CSMD1: variants seen among roughly 807,000 people sequenced by gnomAD.
CSMD1 encodes the protein CUB and Sushi multiple domains 1.
Under a neutral mutation model 417.5 loss-of-function variants are expected in CSMD1, and 213 were observed. The ratio of observed to expected loss-of-function variants is 0.51; its 90% CI spans 0.46 to 0.57. CSMD1 has a LOEUF of 0.57. Ranked by LOEUF, CSMD1 falls within the 20% of genes least tolerant of loss-of-function variation. The pLI is 0.00. For synonymous variants in CSMD1, 2,862 were observed against 1,736.8 expected, an observed-to-expected ratio of 1.65 and a Z score of -16.11; for missense variants, 6,923 against 4,529.7, an observed-to-expected ratio of 1.53 and a Z score of -15.17.
rs149267489 is a variant in CSMD1 at position 2,967,555 on chromosome 8, G to A, written c.8924-809C>T. On this transcript the variant is annotated intron_variant, in intron 57 of 69. Coordinates refer to ENST00000635120, the MANE Select transcript of CSMD1 (RefSeq NM_033225.6). The stretch of plus-strand genomic sequence containing the variant: ...ACTTTTTTTTTTCCCTTTTTTAGTC[G>A]AGCCTATTTACCAGAAAGATTGCTA... Among the ~76,000 whole-genome samples the A allele has an allele frequency of 4.6e-3, 690 of 151,268 alleles. 3 individuals carry two copies. The highest frequency in any genetic ancestry group is 0.016 in the African/African-American group (646 of 41,162).
At chr8:3,568,181 C>T (rs1032578363) in intron 10 of CSMD1, among the ~76,000 whole-genome samples, 1 of 152,092 alleles carries the variant, frequency 6.6e-6, no homozygotes, top group South Asian at 2.1e-4. Context: ...TTATAAAGTA[C>T]TGATGTTCAC....
chr8:4,241,800 T>C (rs1802422286), intron 3 of CSMD1, among the ~76,000 whole-genome samples: 1 of 151,418 alleles, frequency 6.6e-6, no homozygotes, highest in Non-Finnish European at 1.5e-5. Flanking sequence ...AAGCTCCACC[T>C]CCTGGGTTCA....
At chr8:4,946,511 C>T (rs1356580532) in intron 1 of CSMD1, among the ~76,000 whole-genome samples, 1 of 152,062 alleles carries the variant, frequency 6.6e-6, no homozygotes, top group African/African-American at 2.4e-5. Context: ...GACAGCCATC[C>T]CCCCAGCTGC....
intron 5 of CSMD1, among the ~76,000 whole-genome samples, chr8:3,903,649 T>G (rs904577718): frequency 2.6e-5 from 4 of 152,144 alleles, no homozygotes; most frequent in Non-Finnish European, 5.9e-5. Flanking sequence ...ATAAGGTTCT[T>G]GTTCCTTACA....
At chr8:3,904,914 G>C (rs1258984491) in intron 5 of CSMD1, among the ~76,000 whole-genome samples, 1 of 152,074 alleles carries the variant, frequency 6.6e-6, no homozygotes, top group African/African-American at 2.4e-5. Context: ...TGAGATTACA[G>C]GTGTGAGCCA....
intron 46 of CSMD1, among the ~76,000 whole-genome samples, chr8:3,098,963 C>G (rs958590644): frequency 6.6e-6 from 1 of 151,734 alleles, no homozygotes; most frequent in African/African-American, 2.4e-5. Flanking sequence ...ACACCACATG[C>G]CTACCTTTTC....
At chr8:4,011,555 G>T (rs567300257) in intron 4 of CSMD1, among the ~76,000 whole-genome samples, 1 of 152,090 alleles carries the variant, frequency 6.6e-6, no homozygotes, top group Admixed American at 6.5e-5. Context: ...GTCAGCCACA[G>T]CCAGAAATCC....
intron 5 of CSMD1, among the ~76,000 whole-genome samples, chr8:3,821,060 G>C (rs1158171091): frequency 4.6e-5 from 7 of 151,992 alleles, no homozygotes; most frequent in African/African-American, 1.4e-4. Flanking sequence ...GGGATTACAG[G>C]TGTGTGCCAC....
intron 1 of CSMD1, among the ~76,000 whole-genome samples, chr8:4,752,855 C>G (rs867062627): frequency 6.6e-6 from 1 of 152,148 alleles, no homozygotes; most frequent in Non-Finnish European, 1.5e-5. Context: ...AGTTGAGGAA[C>G]TAGGCAGATC....
intron 3 of CSMD1, among the ~76,000 whole-genome samples, chr8:4,310,162 T>C (rs1032810831): frequency 1.3e-5 from 2 of 152,170 alleles, no homozygotes; most frequent in Non-Finnish European, 2.9e-5. Context: ...AACACCCAGG[T>C]ATTGCATCAG....
intron 3 of CSMD1, among the ~76,000 whole-genome samples, chr8:4,213,376 G>A (rs937238168): frequency 1.3e-5 from 2 of 152,134 alleles, no homozygotes; most frequent in Non-Finnish European, 2.9e-5. Context: ...GCTATTCTTT[G>A]AAATTTACAT....
At chr8:4,654,933 G>C (rs977248731) in intron 1 of CSMD1, among the ~76,000 whole-genome samples, 3 of 150,886 alleles carry the variant, frequency 2.0e-5, no homozygotes, top group Admixed American at 1.3e-4. Flanking sequence ...ACCTGCACAG[G>C]TATCCCCCAA....
At chr8:3,400,244 T>C (rs1041790532) in intron 15 of CSMD1, among the ~76,000 whole-genome samples, 1 of 152,212 alleles carries the variant, frequency 6.6e-6, no homozygotes, top group African/African-American at 2.4e-5. Context: ...ATTAAGAATA[T>C]GTCCCTGGCC....
Position 3,385,280 on chromosome 8 carries a change from T to C in CSMD1, c.2782+2214A>G, listed in dbSNP as rs561511348. Reference sequence around the variant, plus strand: ...ACATGTGTATGTATGAATATATATGTATGTATGTATATAGGCCTTTACATT... The same window carrying C: ...ACATGTGTATGTATGAATATATATGCATGTATGTATATAGGCCTTTACATT... On this transcript the variant is annotated intron_variant, in intron 18 of 69. Coordinates refer to ENST00000635120, the MANE Select transcript of CSMD1 (RefSeq NM_033225.6). Among the ~76,000 whole-genome samples, 4 of 149,984 alleles carry C rather than the reference T, an allele frequency of 2.7e-5. No homozygotes were observed. The South Asian group carries it at 6.3e-4, about 23-fold the overall frequency.
chr8:3,010,742 C>T (rs1160419378), intron 52 of CSMD1, among the ~76,000 whole-genome samples: 1 of 151,728 alleles, frequency 6.6e-6, no homozygotes, highest in Non-Finnish European at 1.5e-5. Context: ...TATTCTATTC[C>T]CAACTTTTTT....
intron 18 of CSMD1, among the ~76,000 whole-genome samples, chr8:3,381,931 A>G (rs1810655967): frequency 6.6e-6 from 1 of 152,142 alleles, no homozygotes; most frequent in Non-Finnish European, 1.5e-5. Context: ...CACAACATGC[A>G]TTGTTCTATT....
chr8:3,085,842 ACCCGAAT>A lies in CSMD1; in HGVS notation c.7474+1248_7474+1254del, dbSNP rs1360312141. 3.9e-5 allele frequency among the ~76,000 whole-genome samples: 6 copies of A among 152,266 alleles called. No individual in the cohort carries two copies. In the East Asian group the frequency reaches 1.2e-3, roughly 29 times the overall value. ...GATGGACTAGCATGTGCCTGGCATC[ACCCGAAT>A]CCCTTTGGGACATGAAGGTCCCTCT... On this transcript the variant is annotated intron_variant, in intron 49 of 69. Transcript: ENST00000635120.
intron 6 of CSMD1, among the ~76,000 whole-genome samples, chr8:3,715,713 T>G (rs1441180886): frequency 6.6e-6 from 1 of 152,080 alleles, no homozygotes; most frequent in Non-Finnish European, 1.5e-5. Flanking sequence ...CACCTATTTT[T>G]TGTATTTTTA....
At chr8:3,233,735 C>A (rs1454216641) in intron 26 of CSMD1, among the ~76,000 whole-genome samples, 1 of 152,052 alleles carries the variant, frequency 6.6e-6, no homozygotes, top group Admixed American at 6.5e-5. Context: ...TAAGTTTTCA[C>A]ATTTGTACTT....
Sources: gnomAD v4.1 joint callset for allele counts (sites outside exome capture counted in the v4.1 genomes callset) on GRCh38, gnomAD v4.1.1 for gene constraint, MANE v1.5 for transcripts, NCBI Gene and HGNC (gene_info 2026-07-23, HGNC 2026-07-21) for gene names.